The following WNK2 variants were observed in gnomAD, a reference collection of about 807,000 sequenced individuals.
WNK2 encodes the protein serine/threonine-protein kinase WNK2.
In WNK2, 67 loss-of-function variants were observed where a neutral mutation model predicts 192.1. That is an observed-to-expected ratio of 0.35 (90% CI 0.29 to 0.43). WNK2 has a LOEUF of 0.43. WNK2 is among the 20% of genes least tolerant of loss of function. WNK2 has a pLI of 1.00. For synonymous variants in WNK2, 1,439 were observed against 1,393.9 expected (o/e 1.03, Z -0.72); for missense variants, 2,698 against 3,089.7 (o/e 0.87, Z 3.01).
In WNK2 at chr9:93,259,395, A is replaced by G. The variant is rs1564108606; in HGVS notation, c.2847A>G (p.Thr949=). The G allele has an allele frequency of 3.3e-6, 5 of 1,537,156 alleles. No individual in the cohort carries two copies. The highest frequency in any genetic ancestry group is 4.4e-6 in the Non-Finnish European group (5 of 1,133,976). ...PPQPALPPQP[T]LPPQPVLPPQ... is the part of the protein sequence containing the mutation. ...AGCCGGCACTGCCTCCACAACCCAC[A>G]CTGCCCCCACAACCCGTGCTGCCCC... The change falls in exon 12 of 30, where the codon ACA becomes ACG. Residue 949 remains threonine, a synonymous_variant. Coordinates refer to ENST00000427277, the MANE Select transcript of WNK2 (RefSeq NM_006648.4). This position sits in a 1 kb window ranked among gnomAD's most constrained non-coding sequence, Gnocchi z 4.8.
intron 28 of WNK2, chr9:93,309,002 G>A: frequency 9.8e-7 from 1 of 1,017,780 alleles, no homozygotes; most frequent in Non-Finnish European, 1.2e-6. Context: ...ACCAGCGTCT[G>A]GCCATAGCTC....
intron 7 of WNK2, among the ~76,000 whole-genome samples, chr9:93,246,609 G>A (rs1448749445): frequency 6.6e-6 from 1 of 152,278 alleles, no homozygotes; most frequent in East Asian, 1.9e-4. Context: ...TTCTTGTTTG[G>A]TCACTTTTGT....
intron 2 of WNK2, among the ~76,000 whole-genome samples, chr9:93,224,043 T>C (rs1285296670): frequency 6.6e-6 from 1 of 152,200 alleles, no homozygotes; most frequent in Non-Finnish European, 1.5e-5. Flanking sequence ...TCTCTGTGCA[T>C]GGGACTATTG....
chr9:93,289,897 G>A (rs2306183), intron 20 of WNK2, 81 bp from the exon 21 acceptor site: 635,860 of 1,364,634 alleles, frequency 0.47, 156,412 homozygotes, highest in Admixed American at 0.57. Flanking sequence ...TGAGATGAGG[G>A]GAGTGGATTT....
chr9:93,276,095 A>T (rs1317527705), intron 19 of WNK2, among the ~76,000 whole-genome samples: 1 of 152,266 alleles, frequency 6.6e-6, no homozygotes, highest in African/African-American at 2.4e-5. Context: ...AGATATTGAC[A>T]TTCTAAAATT....
intron 2 of WNK2, among the ~76,000 whole-genome samples, chr9:93,228,570 G>A (rs976084267): frequency 6.6e-6 from 1 of 152,178 alleles, no homozygotes; most frequent in African/African-American, 2.4e-5. Flanking sequence ...GCATTGCTCT[G>A]TGGGCTCATT....
At chr9:93,309,053 C>T (rs1010097256) in intron 28 of WNK2, 15 of 994,002 alleles carry the variant, frequency 1.5e-5, no homozygotes, top group African/African-American at 1.0e-4. Flanking sequence ...TGAGGACCTG[C>T]TGTCCTAGGT....
At chr9:93,268,586 C>T (rs369959255) in intron 18 of WNK2, 41 bp from the exon 19 acceptor site, 14 of 1,580,288 alleles carry the variant, frequency 8.9e-6, no homozygotes, top group South Asian at 2.3e-5. Flanking sequence ...CCTGGAAAGG[C>T]GCTCACTCAC....
chr9:93,318,394 G>C (rs2134489546), intron 29 of WNK2: 3 of 1,614,006 alleles, frequency 1.9e-6, no homozygotes, highest in African/African-American at 1.3e-5. Context: ...CCGGTTCCCT[G>C]GGCTCATCCA....
At chr9:93,310,469 C>T (rs1853453350) in intron 28 of WNK2, among the ~76,000 whole-genome samples, 1 of 151,894 alleles carries the variant, frequency 6.6e-6, no homozygotes, top group African/African-American at 2.4e-5. Flanking sequence ...ATATATAAAA[C>T]ACAAAATTTA....
intron 16 of WNK2, among the ~76,000 whole-genome samples, chr9:93,264,420 G>A (rs9657693): frequency 0.092 from 14,063 of 152,150 alleles, 1,201 homozygotes; most frequent in African/African-American, 0.23. Context: ...CAGCTGGAGT[G>A]CGGGCTCTGA....
chr9:93,213,206 A>AC (rs1564003001), intron 2 of WNK2, among the ~76,000 whole-genome samples: 1 of 152,004 alleles, frequency 6.6e-6, no homozygotes, highest in Non-Finnish European at 1.5e-5. Flanking sequence ...CATCCTGGGA[A>AC]CCCCGGGCTC....
intron 2 of WNK2, among the ~76,000 whole-genome samples, chr9:93,221,982 T>C (rs1012108273): frequency 6.6e-6 from 1 of 152,210 alleles, no homozygotes; most frequent in African/African-American, 2.4e-5. Context: ...TGGCATCTTT[T>C]ACAACTGTTT....
Position 93,216,217 on chromosome 9 carries a change from T to C in WNK2, c.682-13479T>C, listed in dbSNP as rs116353098. On this transcript the variant is annotated intron_variant, in intron 2 of 29. Coordinates refer to ENST00000427277, the MANE Select transcript of WNK2 (RefSeq NM_006648.4). Reference sequence around the variant, plus strand: ...CCTGTTAGACTGCTGAAGTTCTGCCTTGCTTCTCTGCTTTTAGTCTACTGC... The same window carrying C: ...CCTGTTAGACTGCTGAAGTTCTGCCCTGCTTCTCTGCTTTTAGTCTACTGC... Among the ~76,000 whole-genome samples, 1,047 of 152,324 alleles carry C rather than the reference T, an allele frequency of 6.9e-3. 12 individuals carry two copies. Among genetic ancestry groups the C allele is most frequent in the African/African-American group, 0.023 (942 of 41,566 alleles).
intron 7 of WNK2, among the ~76,000 whole-genome samples, chr9:93,244,078 A>G (rs1312191581): frequency 6.6e-6 from 1 of 152,234 alleles, no homozygotes; most frequent in African/African-American, 2.4e-5. Flanking sequence ...TGGGTGGCAG[A>G]GCGAGACCCT....
chr9:93,185,971 T>C (rs1829244184), intron 2 of WNK2, among the ~76,000 whole-genome samples: 1 of 152,192 alleles, frequency 6.6e-6, no homozygotes, highest in Admixed American at 6.5e-5. Flanking sequence ...CCTACTTTAA[T>C]GACCCAGGGA....
chr9:93,246,548 T>G (rs1841731963), intron 7 of WNK2, among the ~76,000 whole-genome samples: 1 of 152,192 alleles, frequency 6.6e-6, no homozygotes, highest in Non-Finnish European at 1.5e-5. Flanking sequence ...TGTTGAAAAT[T>G]TCTGCCTCTC....
chr9:93,286,167 A>G (rs1223183147), intron 19 of WNK2, among the ~76,000 whole-genome samples: 1 of 152,216 alleles, frequency 6.6e-6, no homozygotes, highest in African/African-American at 2.4e-5. Flanking sequence ...AATTGGTTAA[A>G]TTTGACTGTA....
intron 23 of WNK2, among the ~76,000 whole-genome samples, chr9:93,294,274 GTC>G (rs935560562): frequency 9.2e-5 from 14 of 152,228 alleles, no homozygotes; most frequent in Non-Finnish European, 1.6e-4. Flanking sequence ...TATAGTGAGT[GTC>G]TCTGTGTTCG....
Sources: gnomAD v4.1 joint callset for allele counts (sites outside exome capture counted in the v4.1 genomes callset) on GRCh38, gnomAD v4.1.1 for gene constraint, Gnocchi (gnomAD v3.1) non-coding constraint, MANE v1.5 for transcripts, NCBI Gene and HGNC (gene_info 2026-07-23, HGNC 2026-07-21) for gene names.